UNC13C: variants seen among roughly 807,000 people sequenced by gnomAD.
UNC13C encodes protein unc-13 homolog C.
In UNC13C, 174 loss-of-function variants were observed where a neutral mutation model predicts 245.4. The observed-to-expected ratio is 0.71, with a 90% CI of 0.63 to 0.80. The LOEUF (loss-of-function observed/expected upper bound fraction) is 0.80. Among genes scored for constraint, UNC13C ranks in the 30% least tolerant of loss-of-function variants. The pLI, the probability that UNC13C is intolerant of heterozygous loss-of-function variation, is 0.00. For missense variants in UNC13C, 2,829 were observed against 2,602.9 expected (o/e 1.09, Z -1.89); for synonymous variants, 992 against 895.1 (o/e 1.11, Z -1.93).
intron 4 of UNC13C, among the ~76,000 whole-genome samples, chr15:54,191,270 A>G (rs1006168633): frequency 3.9e-5 from 6 of 152,034 alleles, no homozygotes; most frequent in Admixed American, 1.3e-4. Context: ...CTCTTTGTTC[A>G]ATTCCCACTT....
upstream of UNC13C, among the ~76,000 whole-genome samples, chr15:53,973,332 A>G (rs911653049): frequency 2.0e-5 from 3 of 152,224 alleles, no homozygotes; most frequent in Admixed American, 1.3e-4. Flanking sequence ...TACCTACTAC[A>G]TAATAAGTAT....
At chr15:54,502,591 G>A (rs1220331682) in intron 22 of UNC13C, among the ~76,000 whole-genome samples, 2 of 152,096 alleles carry the variant, frequency 1.3e-5, no homozygotes, top group South Asian at 4.1e-4. Flanking sequence ...ATGAGCAGCT[G>A]TGTTTGGGTG....
chr15:54,219,991 G>A lies in UNC13C; in HGVS notation c.3072-15039G>A, dbSNP rs201941024. On this transcript the variant is annotated intron_variant, in intron 4 of 32. Coordinates refer to ENST00000260323, the MANE Select transcript of UNC13C (RefSeq NM_001080534.3). ...GGAGAAATAGGAACACTTTTACACCGTTGGTGGGACTGTAAACTAGTTCAA... is the reference window on the plus strand; with the variant it reads ...GGAGAAATAGGAACACTTTTACACCATTGGTGGGACTGTAAACTAGTTCAA... 2.4e-4 allele frequency among the ~76,000 whole-genome samples: 35 copies of A among 143,644 alleles called. No homozygotes were observed. The South Asian group carries it at 3.6e-3, about 15-fold the overall frequency. The allele number at this position is 143,644 out of a possible 152,430, so 94.2% of individuals were successfully genotyped here.
At chr15:54,311,077 G>A (rs1255634292) in intron 13 of UNC13C, among the ~76,000 whole-genome samples, 1 of 151,636 alleles carries the variant, frequency 6.6e-6, no homozygotes, top group Non-Finnish European at 1.5e-5. Context: ...TTTAAGCACA[G>A]TTTCTAGAAA....
chr15:54,243,143 C>G (rs1001977233), intron 7 of UNC13C, among the ~76,000 whole-genome samples: 2 of 150,530 alleles, frequency 1.3e-5, no homozygotes, highest in Non-Finnish European at 3.0e-5. Context: ...CTCCCACCCC[C>G]ACCCCGACAG....
intron 10 of UNC13C, among the ~76,000 whole-genome samples, chr15:54,284,068 C>G (rs2037076024): frequency 6.6e-6 from 1 of 152,142 alleles, no homozygotes; most frequent in Non-Finnish European, 1.5e-5. Flanking sequence ...TCTTTTGTTC[C>G]TCATTACAAC....
the UNC13C span, among the ~76,000 whole-genome samples, chr15:53,863,830 CT>C: frequency 6.6e-6 from 1 of 152,166 alleles, no homozygotes; most frequent in African/African-American, 2.4e-5. Flanking sequence ...ATCGACTTCT[CT>C]TTGTCTAAAT....
At chr15:54,103,991 C>T (rs187510358) in intron 2 of UNC13C, among the ~76,000 whole-genome samples, 44 of 152,356 alleles carry the variant, frequency 2.9e-4, no homozygotes, top group African/African-American at 9.9e-4. Context: ...GATCTGCCCG[C>T]CTCGGCCTCC....
At chr15:54,607,650 C>CA (rs1899842378) in intron 30 of UNC13C, among the ~76,000 whole-genome samples, 1 of 152,106 alleles carries the variant, frequency 6.6e-6, no homozygotes, top group African/African-American at 2.4e-5. Flanking sequence ...GCAGGCTGTA[C>CA]ATGAAGCATG....
chr15:53,841,681 G>A, the UNC13C span, among the ~76,000 whole-genome samples: 29 of 152,110 alleles, frequency 1.9e-4, no homozygotes, highest in African/African-American at 7.0e-4. Context: ...GGAAAAAAAT[G>A]TTTTAACATA....
chr15:53,922,684 G>A, the UNC13C span, among the ~76,000 whole-genome samples: 1 of 152,162 alleles, frequency 6.6e-6, no homozygotes, highest in African/African-American at 2.4e-5. Flanking sequence ...TACAGAGGAC[G>A]TCGCTAACCA....
At chr15:53,872,630 G>C in the UNC13C span, among the ~76,000 whole-genome samples, 2 of 152,078 alleles carry the variant, frequency 1.3e-5, no homozygotes, top group Admixed American at 6.6e-5. Flanking sequence ...CATGCCTCTA[G>C]GCTCTGTGTC....
rs1219059524 is a variant in UNC13C, at chr15:54,013,735, T to A, written c.832T>A (p.Ser278Thr). Reference protein sequence around the residue: ...NALKHSIDEISSSVEVVQSEI... With the variant: ...NALKHSIDEITSSVEVVQSEI... ...TCTCAAGCACTCCATCGATGAGATC[T>A]CCAGCAGTGTGGAGGTTGTACAAAG... is the stretch of plus-strand genomic sequence containing the variant. The change falls in exon 2 of 33, where the codon TCC (serine) becomes ACC (threonine). Residue 278 changes from serine (S) to threonine (T), a missense_variant. Coordinates refer to ENST00000260323, the MANE Select transcript of UNC13C (RefSeq NM_001080534.3). 1.9e-6 allele frequency: 3 copies of A among 1,612,352 alleles called. No homozygotes were observed. Among genetic ancestry groups the A allele is most frequent in the Non-Finnish European group, 1.7e-6 (2 of 1,179,296 alleles).
intron 30 of UNC13C, among the ~76,000 whole-genome samples, chr15:54,587,727 C>T (rs1250844941): frequency 6.6e-6 from 1 of 152,150 alleles, no homozygotes. Flanking sequence ...CCCACCTCCC[C>T]ATGCCCAGCC....
intron 19 of UNC13C, among the ~76,000 whole-genome samples, chr15:54,493,486 T>G (rs1302038767): frequency 1.3e-5 from 2 of 152,144 alleles, no homozygotes; most frequent in Non-Finnish European, 2.9e-5. Flanking sequence ...TGGGGTTGAG[T>G]TCTCTCTTAT....
At chr15:54,108,992 T>C (rs74016073) in intron 2 of UNC13C, among the ~76,000 whole-genome samples, 1,852 of 152,252 alleles carry the variant, frequency 0.012, 30 homozygotes, top group African/African-American at 0.042. Context: ...ATCTGGAACA[T>C]AGGTGCAAAC....
chr15:54,611,401 T>A (rs143411863), intron 30 of UNC13C: 129 of 152,064 alleles, frequency 8.5e-4, no homozygotes, highest in African/African-American at 3.1e-3. Context: ...AAAAAAAAGG[T>A]CACTGGAGAC....
chr15:54,395,461 T>G (rs1370850520), intron 18 of UNC13C, among the ~76,000 whole-genome samples: 1 of 151,692 alleles, frequency 6.6e-6, no homozygotes, highest in Non-Finnish European at 1.5e-5. Context: ...ATCTGTGGAG[T>G]CAGAAAACCT....
chr15:54,297,841 G>T lies in UNC13C; in HGVS notation c.4019G>T (p.Gly1340Val). 6.2e-7 allele frequency: 1 copy of T among 1,610,332 alleles called. No individual in the cohort carries two copies. Among genetic ancestry groups the T allele is most frequent in the Non-Finnish European group, 8.5e-7 (1 of 1,178,264 alleles). ...EKRTDKSAVS[G>V]AIRLKINVEI... is the part of the protein sequence containing the mutation. ...AGGACAGATAAGTCAGCTGTATCTG[G>T]GGCCATACGATTGAAAATCAATGTG... The change falls in exon 12 of 33, where the codon GGG becomes GTG. Residue 1340 changes from glycine (G) to valine (V), a missense_variant. Transcript: ENST00000260323.
Sources: allele counts gnomAD v4.1 joint callset (sites outside exome capture counted in the v4.1 genomes callset), GRCh38; gene constraint gnomAD v4.1.1; transcripts MANE v1.5; gene names NCBI Gene and HGNC (gene_info 2026-07-23, HGNC 2026-07-21).